The following PLCZ1 variants were observed in gnomAD, a reference collection of about 807,000 sequenced individuals.
The protein encoded by PLCZ1 is phospholipase C zeta 1.
A neutral mutation model predicts 76.8 loss-of-function variants in PLCZ1; 64 were observed. The ratio of observed to expected loss-of-function variants is 0.83; its 90% CI spans 0.68 to 1.03. The LOEUF (loss-of-function observed/expected upper bound fraction) is 1.03. Among genes scored for constraint, PLCZ1 ranks in the 50% least tolerant of loss-of-function variants. The probability of loss-of-function intolerance (pLI) is 0.00; values close to 1 mark genes in which losing one functional copy is unlikely to be tolerated. For missense variants in PLCZ1, 751 were observed against 713.7 expected (o/e 1.05, Z -0.60); for synonymous variants, 248 against 230.8 (o/e 1.07, Z -0.68).
chr12:18,693,572 C>T, intron 12 of PLCZ1: 1 of 1,599,122 alleles, frequency 6.3e-7, no homozygotes, highest in Non-Finnish European at 8.6e-7. Context: ...TGGGCCCAAA[C>T]TCGGACGGGA....
chr12:18,651,910 G>A, the PLCZ1 span, among the ~76,000 whole-genome samples: 89 of 152,286 alleles, frequency 5.8e-4, no homozygotes, highest in Non-Finnish European at 9.9e-4. Flanking sequence ...ATAAGGACCA[G>A]CTCTTTCCAT....
At chr12:18,650,107 C>T in the PLCZ1 span, among the ~76,000 whole-genome samples, 1 of 152,036 alleles carries the variant, frequency 6.6e-6, no homozygotes, top group Non-Finnish European at 1.5e-5. Flanking sequence ...AAACTGCCAA[C>T]TCAATATTCC....
At chr12:18,664,942 G>C in the PLCZ1 span, among the ~76,000 whole-genome samples, 2 of 145,320 alleles carry the variant, frequency 1.4e-5, no homozygotes, top group Admixed American at 1.4e-4. Context: ...TCACTCATAG[G>C]TGGGAATTGA....
At chr12:18,663,305 C>A in the PLCZ1 span, among the ~76,000 whole-genome samples, 1 of 152,002 alleles carries the variant, frequency 6.6e-6, no homozygotes, top group African/African-American at 2.4e-5. Context: ...ACAGATAATA[C>A]GATCCTGTTT....
At chr12:18,700,113 CA>C (rs771462172) in intron 9 of PLCZ1, among the ~76,000 whole-genome samples, 163 bp from the exon 10 acceptor site, 78 of 151,582 alleles carry the variant, frequency 5.1e-4, no homozygotes, top group Non-Finnish European at 8.3e-4. Flanking sequence ...TTTTTGGGAA[CA>C]AAAAAATATT....
chr12:18,693,493 A>G lies in PLCZ1; in HGVS notation c.1461+1417T>C. On this transcript the variant is annotated intron_variant, in intron 12 of 14. Coordinates refer to ENST00000266505, the MANE Select transcript of PLCZ1 (RefSeq NM_033123.4). ...GTAAAACCTTGTTAGCCAAAGCAGTAGCAAACCAAACCTCAGCCACTTTCT... is the reference window on the plus strand; with the variant it reads ...GTAAAACCTTGTTAGCCAAAGCAGTGGCAAACCAAACCTCAGCCACTTTCT... 3 of 1,609,956 alleles carry G rather than the reference A, an allele frequency of 1.9e-6. No individual in the cohort carries two copies. In the South Asian group the frequency reaches 3.3e-5, roughly 18 times the overall value.
chr12:18,704,573 C>T (rs938136191), intron 7 of PLCZ1, among the ~76,000 whole-genome samples: 1 of 152,018 alleles, frequency 6.6e-6, no homozygotes, highest in East Asian at 1.9e-4. Context: ...GGGATCCGCC[C>T]TCCTCAGCCT....
At chr12:18,648,102 A>C in the PLCZ1 span, 4 of 889,674 alleles carry the variant, frequency 4.5e-6, no homozygotes, top group South Asian at 9.7e-5. Flanking sequence ...GAATCACATA[A>C]GTAAGGCATC....
chr12:18,695,119 G>A (rs1592060701), intron 11 of PLCZ1, 40 bp from the exon 12 acceptor site: 4 of 1,573,630 alleles, frequency 2.5e-6, no homozygotes, highest in South Asian at 1.1e-5. Context: ...AGGTAATAGA[G>A]AATACAAATA....
chr12:18,719,768 T>C (rs1368059916), intron 4 of PLCZ1, 136 bp from the exon 5 acceptor site: 1 of 509,852 alleles, frequency 2.0e-6, no homozygotes, highest in Non-Finnish European at 3.2e-6. Flanking sequence ...ATATTAATAC[T>C]ATATTTATGT....
At chr12:18,685,482 T>C (rs1446882929) in intron 13 of PLCZ1, 7 of 217,086 alleles carry the variant, frequency 3.2e-5, no homozygotes, top group African/African-American at 1.6e-4. Flanking sequence ...TTTTGTTCTT[T>C]GACTTACATT....
downstream of PLCZ1, among the ~76,000 whole-genome samples, chr12:18,681,135 A>C (rs1952368071): frequency 6.6e-6 from 1 of 152,026 alleles, no homozygotes; most frequent in African/African-American, 2.4e-5. Flanking sequence ...ATTGTTCAAC[A>C]AGGAAACACG....
At chr12:18,683,954 C>T (rs563992463) in intron 14 of PLCZ1, among the ~76,000 whole-genome samples, 176 bp downstream of exon 14, 1 of 152,060 alleles carries the variant, frequency 6.6e-6, no homozygotes, top group African/African-American at 2.4e-5. Context: ...CCCACCCCAC[C>T]TTCCACATGA....
chr12:18,690,604 G>A (rs1367303515), intron 12 of PLCZ1, among the ~76,000 whole-genome samples: 1 of 152,070 alleles, frequency 6.6e-6, no homozygotes, highest in African/African-American at 2.4e-5. Flanking sequence ...AAAACCTTGT[G>A]ATAAATGCCA....
At chr12:18,711,518 A>G (rs939441219) in intron 6 of PLCZ1, among the ~76,000 whole-genome samples, 30 of 142,904 alleles carry the variant, frequency 2.1e-4, no homozygotes, top group African/African-American at 7.3e-4. Flanking sequence ...CATGTACCCT[A>G]AAACTTAAAG....
intron 6 of PLCZ1, among the ~76,000 whole-genome samples, chr12:18,711,277 C>T (rs987732482): frequency 5.4e-5 from 8 of 149,324 alleles, no homozygotes; most frequent in African/African-American, 1.5e-4. Flanking sequence ...AGCAAACTAT[C>T]GCAAGGACAA....
At chr12:18,715,268 C>T (rs933481992) in intron 5 of PLCZ1, among the ~76,000 whole-genome samples, 1 of 146,062 alleles carries the variant, frequency 6.8e-6, no homozygotes, top group East Asian at 2.1e-4. Flanking sequence ...GTTGGAAGAA[C>T]CCTGATGAGG....
chr12:18,700,037 C>G (rs1223125076), intron 9 of PLCZ1, 87 bp from the exon 10 acceptor site: 15 of 1,091,446 alleles, frequency 1.4e-5, no homozygotes, highest in Non-Finnish European at 1.8e-5. Context: ...CACTTTCAAA[C>G]AAATGATTTT....
chr12:18,701,721 G>A lies in PLCZ1; in HGVS notation c.920C>T (p.Thr307Ile). Reference sequence around the variant, plus strand: ...CTTATCAGAACCTTTTCTTTCATGGGTTTCCTTTAAGGTTCCTATTTTCTT... The same window carrying A: ...CTTATCAGAACCTTTTCTTTCATGGATTTCCTTTAAGGTTCCTATTTTCTT... ...KNKKIGTLKE[T>I]HERKGSDKRG... is the part of the protein sequence containing the mutation. Residue 307 changes from threonine to isoleucine, a missense_variant, in exon 8 of 15, where the codon ACC (threonine) becomes ATC (isoleucine). Coordinates refer to ENST00000266505, the MANE Select transcript of PLCZ1 (RefSeq NM_033123.4). 1 of 1,611,384 alleles carries A rather than the reference G, an allele frequency of 6.2e-7. No homozygotes were observed. Among genetic ancestry groups the A allele is most frequent in the East Asian group, 2.2e-5 (1 of 44,676 alleles).
Sources: gnomAD v4.1 joint callset for allele counts (sites outside exome capture counted in the v4.1 genomes callset) on GRCh38, gnomAD v4.1.1 for gene constraint, MANE v1.5 for transcripts, NCBI Gene and HGNC (gene_info 2026-07-23, HGNC 2026-07-21) for gene names.